Variants in CFI observed in about 807,000 individuals in gnomAD.
CFI encodes C3B/C4B inactivator.
In CFI, 66 loss-of-function variants were observed where a neutral mutation model predicts 78.8. The ratio of observed to expected loss-of-function variants is 0.84; its 90% CI spans 0.69 to 1.03. The LOEUF (loss-of-function observed/expected upper bound fraction) is 1.03, where lower values mean the gene tolerates loss of function less well. CFI is among the 50% of genes least tolerant of loss of function. The probability of loss-of-function intolerance (pLI) is 0.00; values close to 1 mark genes in which losing one functional copy is unlikely to be tolerated. For missense variants in CFI, 706 were observed against 704.5 expected (o/e 1.00, Z -0.02); for synonymous variants, 250 against 232.6 (o/e 1.07, Z -0.68).
chr4:109,799,215 C>A (rs1732446265), intron 1 of CFI, among the ~76,000 whole-genome samples: 1 of 152,130 alleles, frequency 6.6e-6, no homozygotes, highest in South Asian at 2.1e-4. Context: ...CTGTTGTGTG[C>A]CTCCACTGTA....
At chr4:109,753,742 T>A (rs188734639) in intron 7 of CFI, among the ~76,000 whole-genome samples, 11 of 87,932 alleles carry the variant, frequency 1.3e-4, no homozygotes, top group South Asian at 3.1e-4. Context: ...ATATTATATA[T>A]TATCTAATGT....
rs571265769 is a variant in CFI at position 109,766,690 on chromosome 4, C to G, written c.192G>C (p.Pro64=). 3 of 1,614,116 alleles carry G rather than the reference C, an allele frequency of 1.9e-6. No individual in the cohort carries two copies. Among genetic ancestry groups the G allele is most frequent in the Middle Eastern group, 1.6e-4 (1 of 6,062 alleles). The part of the protein sequence containing the change: ...CIEGTCVCKL[P]YQCPKNGTAV... ...CAGTGCCATTCTTTGGGCACTGATA[C>G]GGTAGTTTACAAACACAGGTGCCCT... is the stretch of plus-strand genomic sequence containing the variant. Residue 64 remains proline, a synonymous_variant, in exon 2 of 13, where the codon CCG becomes CCC. Transcript: ENST00000394634.
chr4:109,800,322 T>TG (rs1491159655), intron 1 of CFI, among the ~76,000 whole-genome samples: 62 of 5,926 alleles, frequency 0.01, no homozygotes, highest in African/African-American at 0.016. Flanking sequence ...GGCTTCTCTG[T>TG]TTTTTTTTTT....
In CFI at chr4:109,790,979, G is replaced by A. The variant is rs369580833; in HGVS notation, c.57+10936C>T. Among the ~76,000 whole-genome samples the A allele has an allele frequency of 4.6e-5, 7 of 152,278 alleles. No homozygotes were observed. The South Asian group carries it at 1.4e-3, about 32-fold the overall frequency. ...GTATATACCCAGTAATGGGATTGCT[G>A]GGTTGAATGGAATTTCTCTTTTTAG... On this transcript the variant is annotated intron_variant, in intron 1 of 12. Coordinates refer to ENST00000394634, the MANE Select transcript of CFI (RefSeq NM_000204.5).
At chr4:109,763,222 A>G (rs566622659) in intron 3 of CFI, among the ~76,000 whole-genome samples, 6 of 152,278 alleles carry the variant, frequency 3.9e-5, no homozygotes, top group Non-Finnish European at 7.4e-5. Flanking sequence ...ATAAGGTGGA[A>G]CTAAATATTA....
chr4:109,739,191 T>A (rs866925729), downstream of CFI, among the ~76,000 whole-genome samples: 1 of 152,116 alleles, frequency 6.6e-6, no homozygotes, highest in East Asian at 1.9e-4. Flanking sequence ...AGTAGGGATC[T>A]ATCCAAGACT....
At position 109,749,212 on chromosome 4, in the gene CFI, T is replaced by C. The variant is rs1724833652; in HGVS notation, c.1148+6A>G. ...AAATCTAAAATTTACTGAAGACATC[T>C]TTTACCTGAGACAATGTGCAGCAGT... On this transcript the variant is annotated splice_donor_region_variant and intron_variant, in intron 10 of 12. Coordinates refer to ENST00000394634, the MANE Select transcript of CFI (RefSeq NM_000204.5). The C allele has an allele frequency of 6.2e-7, 1 of 1,611,696 alleles. No individual in the cohort carries two copies. The highest frequency in any genetic ancestry group is 2.2e-5 in the East Asian group (1 of 44,876).
intron 1 of CFI, among the ~76,000 whole-genome samples, chr4:109,776,150 C>A (rs999215906): frequency 6.6e-6 from 1 of 152,144 alleles, no homozygotes; most frequent in Admixed American, 6.5e-5. Flanking sequence ...AGGCTTCAGA[C>A]AATCAGTAAT....
chr4:109,785,329 G>A (rs1730605970), intron 1 of CFI, among the ~76,000 whole-genome samples: 1 of 152,020 alleles, frequency 6.6e-6, no homozygotes, highest in African/African-American at 2.4e-5. Flanking sequence ...TGTGATTAAT[G>A]GCATTATTCC....
intron 1 of CFI, among the ~76,000 whole-genome samples, chr4:109,780,654 C>A (rs191060005): frequency 1.3e-5 from 2 of 152,118 alleles, no homozygotes; most frequent in Admixed American, 6.6e-5. Context: ...TGGGCATATA[C>A]CCAAAGAATT....
At chr4:109,788,948 T>C (rs1731053397) in intron 1 of CFI, among the ~76,000 whole-genome samples, 1 of 151,896 alleles carries the variant, frequency 6.6e-6, no homozygotes, top group South Asian at 2.1e-4. Flanking sequence ...AAAACAGGTG[T>C]TAACATTACT....
At position 109,760,354 on chromosome 4, in the gene CFI, T is replaced by C. The variant is rs769245089; in HGVS notation, c.799A>G (p.Lys267Glu). The C allele has an allele frequency of 3.7e-6, 6 of 1,614,020 alleles. No homozygotes were observed. In the African/African-American group the frequency reaches 6.7e-5, roughly 18 times the overall value. ...KACQGKGFHC[K>E]SGVCIPSQYQ... ...TGGCTTGGAATGCAAACACCCGATT[T>C]GCAATGGAAGCCTTTGCCTTGGCAT... The change falls in exon 6 of 13, where the codon AAA (lysine) becomes GAA (glutamate). Residue 267 changes from lysine to glutamate, a missense_variant. Coordinates refer to ENST00000394634, the MANE Select transcript of CFI (RefSeq NM_000204.5).
At chr4:109,775,355 C>T (rs747471879) in intron 1 of CFI, among the ~76,000 whole-genome samples, 16 of 152,172 alleles carry the variant, frequency 1.1e-4, no homozygotes, top group Admixed American at 2.0e-4. Flanking sequence ...GATTATATCC[C>T]GTGCCTGGCT....
At chr4:109,758,510 G>A (rs1303151886) in intron 6 of CFI, among the ~76,000 whole-genome samples, 1 of 152,042 alleles carries the variant, frequency 6.6e-6, no homozygotes, top group Non-Finnish European at 1.5e-5. Context: ...TTTGAAACTT[G>A]GTAAGTAAAA....
chr4:109,760,585 T>A lies in CFI; in HGVS notation c.710A>T (p.Gln237Leu). The change falls in exon 5 of 13, where the codon CAG becomes CTG. Residue 237 changes from glutamine to leucine, a missense_variant. Transcript: ENST00000394634. The part of the protein sequence containing the change: ...FQCVNGKYIS[Q>L]MKACDGINDC... ...ATTGATACCATCACAGGCTTTCATCTGAGAAATGTATTTCCCATTCACACA... is the reference window on the plus strand; with the variant it reads ...ATTGATACCATCACAGGCTTTCATCAGAGAAATGTATTTCCCATTCACACA... 6.2e-7 allele frequency: 1 copy of A among 1,611,384 alleles called. No homozygotes were observed. Among genetic ancestry groups the A allele is most frequent in the Non-Finnish European group, 8.5e-7 (1 of 1,177,510 alleles).
the CFI span, among the ~76,000 whole-genome samples, chr4:109,735,236 T>C: frequency 1.3e-5 from 2 of 151,892 alleles, 1 homozygote; most frequent in South Asian, 4.2e-4. Context: ...ATTACAGTCA[T>C]GAGCCACCGC....
At chr4:109,795,954 A>G (rs1335936366) in intron 1 of CFI, among the ~76,000 whole-genome samples, 1 of 152,222 alleles carries the variant, frequency 6.6e-6, no homozygotes, top group Admixed American at 6.5e-5. Flanking sequence ...CAATGCCTGA[A>G]AACATCTCAA....
intron 7 of CFI, among the ~76,000 whole-genome samples, chr4:109,756,099 T>C (rs954593639): frequency 2.0e-5 from 3 of 152,072 alleles, no homozygotes; most frequent in Non-Finnish European, 4.4e-5. Context: ...TAAGAATGCA[T>C]GCAAACAAAA....
chr4:109,756,975 AAG>A (rs775927396), intron 7 of CFI, among the ~76,000 whole-genome samples: 10 of 143,630 alleles, frequency 7.0e-5, no homozygotes, highest in East Asian at 2.1e-4. Flanking sequence ...GAAAGAAAGA[AAG>A]AAATTCTGAG....
Sources: gnomAD v4.1 joint callset for allele counts (sites outside exome capture counted in the v4.1 genomes callset) on GRCh38, gnomAD v4.1.1 for gene constraint, MANE v1.5 for transcripts, NCBI Gene and HGNC (gene_info 2026-07-23, HGNC 2026-07-21) for gene names.